ARID5B: variants seen among roughly 807,000 people sequenced by gnomAD.
ARID5B encodes AT-rich interactive domain-containing protein 5B.
A neutral mutation model predicts 97.2 loss-of-function variants in ARID5B; 13 were observed. The ratio of observed to expected loss-of-function variants is 0.13; its 90% CI spans 0.09 to 0.21. The LOEUF is 0.21. Ranked by LOEUF, ARID5B falls within the 10% of genes least tolerant of loss-of-function variation. The pLI is 1.00. For synonymous variants in ARID5B, 556 were observed against 570.3 expected (o/e 0.97, Z 0.36); for missense variants, 1,210 against 1,465.3 (o/e 0.83, Z 2.84).
intron 7 of ARID5B, among the ~76,000 whole-genome samples, chr10:62,061,091 A>T (rs887816446): frequency 6.6e-6 from 1 of 152,214 alleles, no homozygotes; most frequent in African/African-American, 2.4e-5. Flanking sequence ...CCTTATGTGT[A>T]TGAGGCATTG....
At chr10:62,057,490 C>T (rs760399083) in intron 6 of ARID5B, among the ~76,000 whole-genome samples, 172 bp downstream of exon 6, 1 of 152,052 alleles carries the variant, frequency 6.6e-6, no homozygotes, top group Non-Finnish European at 1.5e-5. Flanking sequence ...TGCCTTTTTC[C>T]GCTACATTGT....
intron 4 of ARID5B, among the ~76,000 whole-genome samples, chr10:62,048,634 T>G (rs1368446668): frequency 6.6e-6 from 1 of 152,236 alleles, no homozygotes; most frequent in Non-Finnish European, 1.5e-5. Context: ...GTACATGTGC[T>G]TCTCTGGGTT....
intron 3 of ARID5B, among the ~76,000 whole-genome samples, chr10:61,980,107 A>C (rs1383124706): frequency 6.6e-6 from 1 of 151,850 alleles, no homozygotes; most frequent in Non-Finnish European, 1.5e-5. Flanking sequence ...AAAATAAAAC[A>C]GAAAAATATG....
At chr10:62,029,721 A>G (rs1002535473) in intron 4 of ARID5B, among the ~76,000 whole-genome samples, 2 of 152,210 alleles carry the variant, frequency 1.3e-5, no homozygotes, top group Non-Finnish European at 2.9e-5. Context: ...CCAGTAAAAG[A>G]GGGAGATCAC....
At chr10:62,039,402 A>G (rs1317264367) in intron 4 of ARID5B, among the ~76,000 whole-genome samples, 1 of 152,220 alleles carries the variant, frequency 6.6e-6, no homozygotes, top group Non-Finnish European at 1.5e-5. Flanking sequence ...CTGCCTTCTA[A>G]GAAAAGAAAA....
At position 62,092,892 on chromosome 10, in the gene ARID5B, C is replaced by T. The variant is rs1437111507; in HGVS notation, c.3429C>T (p.His1143=). The T allele has an allele frequency of 6.2e-7, 1 of 1,614,236 alleles. No homozygotes were observed. The highest frequency in any genetic ancestry group is 8.5e-7 in the Non-Finnish European group (1 of 1,180,044). The change falls in exon 10 of 10, where the codon CAC becomes CAT. Residue 1143 remains histidine (H), a synonymous_variant. Coordinates refer to ENST00000279873, the MANE Select transcript of ARID5B (RefSeq NM_032199.3). Reference sequence around the variant, plus strand: ...CAAATTCTCAGCAGCTGTACAGACACTTGGCTGCGGCTACACCTGTAGGAA... The same window carrying T: ...CAAATTCTCAGCAGCTGTACAGACATTTGGCTGCGGCTACACCTGTAGGAA... The part of the protein sequence containing the change: ...SPTNSQQLYR[H]LAAATPVGSS...
rs1840444470 is a variant in ARID5B at position 62,094,842 on chromosome 10, T to G, written c.*1812T>G. The G allele has an allele frequency of 4.3e-6, 1 of 230,998 alleles. No homozygotes were observed. The highest frequency in any genetic ancestry group is 1.8e-4 in the South Asian group (1 of 5,518). The allele number at this position is 230,998 out of a possible 1,614,324, so 14.3% of individuals were successfully genotyped here. On this transcript the variant is annotated 3_prime_UTR_variant, in exon 10 of 10. Coordinates refer to ENST00000279873, the MANE Select transcript of ARID5B (RefSeq NM_032199.3). ...CTAAGTCTTTTACCTCTGAGATACT[T>G]AATTCTGGGAAAATTGGTGACAATT...
At chr10:61,913,939 C>T (rs867490531) in intron 2 of ARID5B, among the ~76,000 whole-genome samples, 12 of 152,054 alleles carry the variant, frequency 7.9e-5, no homozygotes, top group Admixed American at 2.6e-4. Context: ...TTAATAGAGA[C>T]GGGGTTTCTC....
chr10:61,920,164 T>C (rs769400113), intron 2 of ARID5B, among the ~76,000 whole-genome samples: 3 of 152,104 alleles, frequency 2.0e-5, no homozygotes, highest in Non-Finnish European at 2.9e-5. Flanking sequence ...TTGTGTGTCC[T>C]TTTTTCTCTC....
intron 3 of ARID5B, among the ~76,000 whole-genome samples, chr10:61,972,406 TTTA>T (rs1213339896): frequency 6.6e-6 from 1 of 151,984 alleles, no homozygotes; most frequent in African/African-American, 2.4e-5. Context: ...TTTTTGTATT[TTTA>T]GTAGAGATGG....
chr10:61,918,089 A>T (rs1843942177), intron 2 of ARID5B, among the ~76,000 whole-genome samples: 1 of 152,364 alleles, frequency 6.6e-6, no homozygotes, highest in East Asian at 1.9e-4. Context: ...AAGAGAGCAC[A>T]GGTCTAGTGG....
chr10:61,994,251 T>A (rs923507699), intron 3 of ARID5B, among the ~76,000 whole-genome samples: 5 of 152,104 alleles, frequency 3.3e-5, no homozygotes, highest in African/African-American at 7.2e-5. Flanking sequence ...GGTTTTTTTT[T>A]AAAAGATTTT....
intron 4 of ARID5B, among the ~76,000 whole-genome samples, chr10:62,040,880 C>A (rs1839627824): frequency 6.6e-6 from 1 of 152,124 alleles, no homozygotes; most frequent in South Asian, 2.1e-4. Context: ...TCAGACACAG[C>A]AATTCTAAAT....
intron 4 of ARID5B, among the ~76,000 whole-genome samples, chr10:62,018,646 G>A (rs1839315244): frequency 1.6e-5 from 2 of 128,610 alleles, no homozygotes; most frequent in East Asian, 2.3e-4. Flanking sequence ...ATGCACAGAA[G>A]GTAATTTTTT....
At chr10:61,905,316 T>C (rs2132751109) in intron 2 of ARID5B, among the ~76,000 whole-genome samples, 1 of 152,322 alleles carries the variant, frequency 6.6e-6, no homozygotes, top group South Asian at 2.1e-4. Context: ...CTTTTTTTGG[T>C]TTAAGAGAAT....
chr10:62,064,262 C>A lies in ARID5B; in HGVS notation c.1101+4967C>A, dbSNP rs527587317. ...AAATTCTCCAGGCCAAAGATGATGT[C>A]ATGTAGTTTTGAAAGGCTCCAGTTC... is the stretch of plus-strand genomic sequence containing the variant. On this transcript the variant is annotated intron_variant, in intron 7 of 9. Coordinates refer to ENST00000279873, the MANE Select transcript of ARID5B (RefSeq NM_032199.3). 1.8e-4 allele frequency among the ~76,000 whole-genome samples: 27 copies of A among 152,318 alleles called. 1 individual carries two copies. The highest frequency in any genetic ancestry group is 3.4e-4 in the Non-Finnish European group (23 of 68,026).
chr10:62,025,811 GAAAAAAAAAA>G (rs750842683), intron 4 of ARID5B, among the ~76,000 whole-genome samples: 1 of 59,632 alleles, frequency 1.7e-5, no homozygotes, highest in Admixed American at 1.5e-4. Context: ...GAGTGGAAGC[GAAAAAAAAAA>G]AAAAAAAAAG....
At chr10:61,981,114 C>T (rs1017975299) in intron 3 of ARID5B, among the ~76,000 whole-genome samples, 1 of 152,198 alleles carries the variant, frequency 6.6e-6, no homozygotes, top group Admixed American at 6.5e-5. Flanking sequence ...ATTTCCTCAT[C>T]TATAAAATGG....
chr10:62,075,618 AAAGCTCCT>A (rs1840120747), intron 8 of ARID5B, among the ~76,000 whole-genome samples: 1 of 152,240 alleles, frequency 6.6e-6, no homozygotes, highest in Non-Finnish European at 1.5e-5. Flanking sequence ...GGAGCTTGTC[AAAGCTCCT>A]CTTTCACTTC....
Sources: gnomAD v4.1 joint callset for allele counts (sites outside exome capture counted in the v4.1 genomes callset) on GRCh38, gnomAD v4.1.1 for gene constraint, MANE v1.5 for transcripts, NCBI Gene and HGNC (gene_info 2026-07-23, HGNC 2026-07-21) for gene names.